PSMA1: variants seen among roughly 807,000 people sequenced by gnomAD.
PSMA1 encodes proteasome subunit alpha type-1.
Under a neutral mutation model 38.4 loss-of-function variants are expected in PSMA1, and 3 were observed. That is an observed-to-expected ratio of 0.08 (90% CI 0.04 to 0.20). PSMA1 has a LOEUF of 0.20. Ranked by LOEUF, PSMA1 falls within the 10% of genes least tolerant of loss-of-function variation. The pLI, the probability that PSMA1 is intolerant of heterozygous loss-of-function variation, is 1.00. For synonymous variants in PSMA1, 101 were observed against 107.1 expected (o/e 0.94, Z 0.35); for missense variants, 227 against 325.3 (o/e 0.70, Z 2.32).
chr11:14,633,255 C>G (rs1453762155), intron 1 of PSMA1, among the ~76,000 whole-genome samples: 3 of 152,062 alleles, frequency 2.0e-5, no homozygotes, highest in Non-Finnish European at 2.9e-5. Flanking sequence ...GTTTTTTCCC[C>G]ATCTTTGTGG....
rs542847640 is a variant in PSMA1, at chr11:14,585,438, A to G, written c.21+25528T>C. On this transcript the variant is annotated intron_variant, in intron 2 of 10. Coordinates refer to the PSMA1 transcript ENST00000418988. The stretch of plus-strand genomic sequence containing the variant: ...AATAGATGACCTTATTTAAAGCTAT[A>G]GGAAACATTGTGAAGGATGAGTCAT... Among the ~76,000 whole-genome samples, 5 of 152,370 alleles carry G rather than the reference A, an allele frequency of 3.3e-5. No individual in the cohort carries two copies. The East Asian group carries it at 9.6e-4, about 29-fold the overall frequency.
At chr11:14,590,829 A>T (rs1160158728) in intron 2 of PSMA1, among the ~76,000 whole-genome samples, 1 of 152,204 alleles carries the variant, frequency 6.6e-6, no homozygotes, top group African/African-American at 2.4e-5. Flanking sequence ...ATCTTCTCTC[A>T]CAGACTCACA....
chr11:14,545,468 T>C (rs1851815681), intron 2 of PSMA1, among the ~76,000 whole-genome samples: 2 of 151,698 alleles, frequency 1.3e-5, no homozygotes, highest in Non-Finnish European at 3.0e-5. Flanking sequence ...CTCCCTTCCT[T>C]TCCCCTCGTA....
Position 14,592,394 on chromosome 11 carries a change from A to AC in PSMA1, c.21+18571_21+18572insG, listed in dbSNP as rs1852433224. On this transcript the variant is annotated intron_variant, in intron 2 of 10. Coordinates refer to the PSMA1 transcript ENST00000418988. ...TCTCTCTCTATATATATATATATAT[A>AC]TTTTTTTTTTAGATGGAGTCTCGCT... Among the ~76,000 whole-genome samples, 2 of 138,100 alleles carry AC rather than the reference A, an allele frequency of 1.4e-5. 1 individual carries two copies. Among genetic ancestry groups the AC allele is most frequent in the Non-Finnish European group, 3.1e-5 (2 of 64,898 alleles). 90.6% of individuals were successfully genotyped at this position (138,100 alleles called of 152,430 possible).
At chr11:14,589,363 A>ATG (rs1169510115) in intron 2 of PSMA1, among the ~76,000 whole-genome samples, 286 of 127,354 alleles carry the variant, frequency 2.2e-3, no homozygotes, top group African/African-American at 6.2e-3. Flanking sequence ...ATATATATAT[A>ATG]TATGTGTGTG....
At chr11:14,624,821 AC>A (rs1242724284) in intron 1 of PSMA1, among the ~76,000 whole-genome samples, 1 of 152,086 alleles carries the variant, frequency 6.6e-6, no homozygotes, top group Non-Finnish European at 1.5e-5. Context: ...ATGTACAACG[AC>A]CCTGACTTGA....
At chr11:14,546,387 C>T (rs1331453029) in intron 2 of PSMA1, among the ~76,000 whole-genome samples, 1 of 152,102 alleles carries the variant, frequency 6.6e-6, no homozygotes, top group Non-Finnish European at 1.5e-5. Flanking sequence ...TCCCTTTCAG[C>T]AGAAGACATT....
At chr11:14,595,759 T>C (rs2134190782) in intron 2 of PSMA1, among the ~76,000 whole-genome samples, 1 of 152,372 alleles carries the variant, frequency 6.6e-6, no homozygotes, top group South Asian at 2.1e-4. Flanking sequence ...AGATCTCATT[T>C]GTCAATTTTG....
At chr11:14,629,649 G>A (rs1397988290) in intron 1 of PSMA1, among the ~76,000 whole-genome samples, 4 of 152,086 alleles carry the variant, frequency 2.6e-5, no homozygotes, top group Admixed American at 6.6e-5. Context: ...TTGGTGATGC[G>A]GGCTCTTTTT....
At chr11:14,629,667 G>A (rs373679583) in intron 1 of PSMA1, among the ~76,000 whole-genome samples, 30 of 152,126 alleles carry the variant, frequency 2.0e-4, no homozygotes, top group South Asian at 4.2e-4. Context: ...TTTTGGTTCC[G>A]TATGAACTTT....
chr11:14,507,834 T>C, intron 8 of PSMA1, 68 bp from the exon 9 acceptor site: 1 of 1,067,176 alleles, frequency 9.4e-7, no homozygotes. Flanking sequence ...CGATAAAATA[T>C]TGGGTGAAAA....
chr11:14,528,483 G>T (rs564032780), intron 2 of PSMA1, among the ~76,000 whole-genome samples: 1 of 152,060 alleles, frequency 6.6e-6, no homozygotes, highest in Admixed American at 6.5e-5. Flanking sequence ...TCCCACTGTA[G>T]GTTCCCACGC....
At chr11:14,514,201 G>A in intron 5 of PSMA1, 4 of 1,346,362 alleles carry the variant, frequency 3.0e-6, no homozygotes, top group Non-Finnish European at 3.8e-6. Context: ...AAGATGCTTA[G>A]ATGATTTTCC....
At position 14,507,562 on chromosome 11, in the gene PSMA1, A is replaced by C. The variant is rs1851265518; in HGVS notation, c.735+94T>G. ...CCATTTGAATTATGGGCCCATTTCA[A>C]TATTTAAGACAAAATGGAAAATTTA... On this transcript the variant is annotated intron_variant, in intron 9 of 9. Transcript: ENST00000396394. 3.5e-6 allele frequency: 3 copies of C among 859,130 alleles called. No individual in the cohort carries two copies. In the East Asian group the frequency reaches 7.4e-5, roughly 21 times the overall value. The allele number at this position is 859,130 out of a possible 1,614,324, so 53.2% of individuals were successfully genotyped here.
chr11:14,524,208 C>T (rs1282370914), upstream of PSMA1, among the ~76,000 whole-genome samples: 2 of 151,184 alleles, frequency 1.3e-5, no homozygotes, highest in Non-Finnish European at 2.9e-5. Flanking sequence ...GTTGTATGCA[C>T]CTGTAGTCCC....
chr11:14,611,166 A>C, intron 1 of PSMA1: 2 of 590,470 alleles, frequency 3.4e-6, no homozygotes, highest in South Asian at 4.2e-5. Context: ...AAGACAATGG[A>C]GAAGGTAAAA....
In PSMA1 at chr11:14,527,522, G is replaced by C. The variant is rs1851600444; in HGVS notation, c.22-8481C>G. ...GAAATCACTTTTCAGTGTTCCATCT[G>C]CTATTCTACTACTCCTCAGGGATTG... On this transcript the variant is annotated intron_variant, in intron 2 of 10. Coordinates refer to the PSMA1 transcript ENST00000418988. Among the ~76,000 whole-genome samples, 6 of 152,258 alleles carry C rather than the reference G, an allele frequency of 3.9e-5. No homozygotes were observed. In the South Asian group the frequency reaches 1.2e-3, roughly 32 times the overall value.
chr11:14,571,167 A>G (rs2134177957), intron 2 of PSMA1, among the ~76,000 whole-genome samples: 1 of 152,306 alleles, frequency 6.6e-6, no homozygotes, highest in African/African-American at 2.4e-5. Flanking sequence ...GGTTCTCGCC[A>G]TTCTCCTGCC....
At chr11:14,592,847 C>T (rs1852440494) in intron 2 of PSMA1, among the ~76,000 whole-genome samples, 1 of 152,132 alleles carries the variant, frequency 6.6e-6, no homozygotes, top group Non-Finnish European at 1.5e-5. Flanking sequence ...GATAAAATGC[C>T]TTCCTCAGAA....
Sources: gnomAD v4.1 joint callset for allele counts (sites outside exome capture counted in the v4.1 genomes callset) on GRCh38, gnomAD v4.1.1 for gene constraint, MANE v1.5 for transcripts, NCBI Gene and HGNC (gene_info 2026-07-23, HGNC 2026-07-21) for gene names.